Variants in AGBL4 observed in about 807,000 individuals in gnomAD.
The protein encoded by AGBL4 is AGBL carboxypeptidase 4.
AGBL4 carries 58 observed loss-of-function variants against 66.4 expected under a neutral mutation model. That is an observed-to-expected ratio of 0.87 (90% CI 0.71 to 1.09). The LOEUF is 1.09. Ranked by LOEUF, AGBL4 falls within the 50% of genes least tolerant of loss-of-function variation. The pLI, the probability that AGBL4 is intolerant of heterozygous loss-of-function variation, is 0.00. For missense variants in AGBL4, 579 were observed against 631.0 expected (o/e 0.92, Z 0.88); for synonymous variants, 234 against 222.9 (o/e 1.05, Z -0.44).
chr1:48,914,600 A>AT lies in AGBL4; in HGVS notation c.595-47371dup, dbSNP rs771359013. Among the ~76,000 whole-genome samples the AT allele has an allele frequency of 3.3e-5, 5 of 152,266 alleles. No homozygotes were observed. The East Asian group carries it at 5.8e-4, about 18-fold the overall frequency. ...GGCAGTTCTCCTTCATAACACAGGC[A>AT]TGTAGTTAATACTATGTTTATAAAA... is the stretch of plus-strand genomic sequence containing the variant. On this transcript the variant is annotated intron_variant, in intron 5 of 13. Coordinates refer to ENST00000371839, the MANE Select transcript of AGBL4 (RefSeq NM_032785.4).
intron 4 of AGBL4, among the ~76,000 whole-genome samples, chr1:49,118,687 G>T (rs578088122): frequency 1.3e-5 from 2 of 152,194 alleles, no homozygotes; most frequent in East Asian, 1.9e-4. Flanking sequence ...GCCAGGCTTT[G>T]GTATCAGGAT....
chr1:48,705,192 C>G (rs1381041495), intron 6 of AGBL4, among the ~76,000 whole-genome samples: 2 of 152,010 alleles, frequency 1.3e-5, no homozygotes, highest in Non-Finnish European at 2.9e-5. Context: ...GTACTTTAAA[C>G]TTCTATATTA....
chr1:49,644,423 C>A (rs140858327), intron 3 of AGBL4, among the ~76,000 whole-genome samples: 1 of 151,446 alleles, frequency 6.6e-6, no homozygotes, highest in East Asian at 1.9e-4. Flanking sequence ...ATTTAAAATG[C>A]AACTACACAG....
chr1:49,586,223 C>T (rs1349396344), intron 3 of AGBL4, among the ~76,000 whole-genome samples: 2 of 152,080 alleles, frequency 1.3e-5, no homozygotes, highest in Admixed American at 1.3e-4. Context: ...ACACCGAGTT[C>T]CAGGAGACAG....
intron 2 of AGBL4, among the ~76,000 whole-genome samples, chr1:49,760,626 A>T (rs1036525771): frequency 6.6e-6 from 1 of 152,194 alleles, no homozygotes; most frequent in Non-Finnish European, 1.5e-5. Context: ...TTCCTTAAGG[A>T]TCTAGAACCA....
At chr1:48,836,159 C>T (rs1646664790) in intron 6 of AGBL4, among the ~76,000 whole-genome samples, 1 of 151,752 alleles carries the variant, frequency 6.6e-6, no homozygotes, top group African/African-American at 2.4e-5. Flanking sequence ...GGTGAAGCAC[C>T]AGAAGGAGTA....
At chr1:49,729,102 G>C (rs903740566) in intron 2 of AGBL4, among the ~76,000 whole-genome samples, 3 of 152,186 alleles carry the variant, frequency 2.0e-5, no homozygotes, top group Non-Finnish European at 4.4e-5. Context: ...TCTATTGTTA[G>C]AGATACATGT....
At chr1:49,973,874 G>A (rs1438471889) in intron 1 of AGBL4, among the ~76,000 whole-genome samples, 1 of 151,722 alleles carries the variant, frequency 6.6e-6, no homozygotes, top group East Asian at 1.9e-4. Flanking sequence ...TACCAGACTG[G>A]AGGAAGGGAA....
chr1:48,666,721 A>G (rs78458804), intron 6 of AGBL4, among the ~76,000 whole-genome samples: 12,559 of 152,284 alleles, frequency 0.082, 1,700 homozygotes, highest in African/African-American at 0.28. Flanking sequence ...TGGCAGAGCC[A>G]AAGTCCCAAG....
chr1:49,895,196 T>TA (rs758153230), intron 1 of AGBL4, among the ~76,000 whole-genome samples: 2,618 of 131,334 alleles, frequency 0.02, 21 homozygotes, highest in Admixed American at 0.034. Flanking sequence ...TTTCCCAGTT[T>TA]AAAAAAAAAA....
At chr1:48,949,363 A>G (rs1006344070) in intron 5 of AGBL4, among the ~76,000 whole-genome samples, 14 of 152,250 alleles carry the variant, frequency 9.2e-5, no homozygotes, top group Non-Finnish European at 1.5e-4. Flanking sequence ...CTGCCCAGGC[A>G]ATAGATTCTG....
intron 6 of AGBL4, among the ~76,000 whole-genome samples, chr1:48,804,683 G>C (rs753125396): frequency 6.6e-6 from 1 of 152,150 alleles, no homozygotes; most frequent in South Asian, 2.1e-4. Flanking sequence ...GAGGGGTAGG[G>C]GCTCTAGGGG....
chr1:49,371,240 GATAGATAGATACATAC>G (rs1371047858), intron 3 of AGBL4, among the ~76,000 whole-genome samples: 3 of 135,936 alleles, frequency 2.2e-5, no homozygotes, highest in East Asian at 4.3e-4. Flanking sequence ...TAGATAGATA[GATAGATAGATACATAC>G]ATACATACAT....
chr1:49,223,959 A>C (rs1488025299), intron 4 of AGBL4, among the ~76,000 whole-genome samples: 1 of 152,222 alleles, frequency 6.6e-6, no homozygotes, highest in Non-Finnish European at 1.5e-5. Flanking sequence ...TAGCTCTGAT[A>C]CAGGCTTTAT....
At chr1:48,893,623 T>C (rs963574896) in intron 5 of AGBL4, among the ~76,000 whole-genome samples, 2 of 151,914 alleles carry the variant, frequency 1.3e-5, no homozygotes, top group African/African-American at 2.4e-5. Context: ...AGGCGGAGCT[T>C]GCAGTGAGCC....
chr1:49,424,577 G>A (rs1262012131), intron 3 of AGBL4, among the ~76,000 whole-genome samples: 4 of 152,130 alleles, frequency 2.6e-5, no homozygotes, highest in Admixed American at 2.6e-4. Context: ...CATCTCAACT[G>A]TTGTATTTAT....
intron 5 of AGBL4, among the ~76,000 whole-genome samples, chr1:48,873,448 T>A (rs1212333364): frequency 6.6e-6 from 1 of 152,136 alleles, no homozygotes; most frequent in East Asian, 1.9e-4. Flanking sequence ...GTCCTTCCCC[T>A]GTCCTTCCCC....
At chr1:49,272,181 C>T (rs949420958) in intron 3 of AGBL4, among the ~76,000 whole-genome samples, 27 of 152,138 alleles carry the variant, frequency 1.8e-4, no homozygotes, top group Non-Finnish European at 3.7e-4. Flanking sequence ...TGTTGTGTAG[C>T]CCAGTCCCAT....
intron 3 of AGBL4, among the ~76,000 whole-genome samples, chr1:49,570,378 T>C (rs1644302486): frequency 6.6e-6 from 1 of 152,158 alleles, no homozygotes; most frequent in Admixed American, 6.5e-5. Context: ...ATATCTTCTT[T>C]TTAAAAATGT....
Sources: gnomAD v4.1 joint callset for allele counts (sites outside exome capture counted in the v4.1 genomes callset) on GRCh38, gnomAD v4.1.1 for gene constraint, MANE v1.5 for transcripts, NCBI Gene and HGNC (gene_info 2026-07-23, HGNC 2026-07-21) for gene names.